GCNT2: variants seen among roughly 807,000 people sequenced by gnomAD.
GCNT2 encodes N-acetyllactosaminide beta-1,6-N-acetylglucosaminyl-transferase.
A neutral mutation model predicts 34.2 loss-of-function variants in GCNT2; 34 were observed. That is an observed-to-expected ratio of 1.00 (90% CI 0.76 to 1.32). The LOEUF is 1.32. Ranked by LOEUF, GCNT2 falls within the 40% of genes most tolerant of loss-of-function variation. The probability of loss-of-function intolerance (pLI) is 0.00; values close to 1 mark genes in which losing one functional copy is unlikely to be tolerated. For missense variants in GCNT2, 584 were observed against 489.4 expected (o/e 1.19, Z -1.82); for synonymous variants, 212 against 188.0 (o/e 1.13, Z -1.04).
chr6:10,609,105 T>C (rs1333014202), intron 3 of GCNT2, among the ~76,000 whole-genome samples: 1 of 152,172 alleles, frequency 6.6e-6, no homozygotes. Context: ...TCAAATGTGG[T>C]TTATGGGCTC....
At position 10,586,037 on chromosome 6, in the gene GCNT2, G is replaced by C. The variant is rs112495317; in HGVS notation, c.926-35314G>C. 1.3e-5 allele frequency: 21 copies of C among 1,614,120 alleles called. No individual in the cohort carries two copies. In the African/African-American group the frequency reaches 1.7e-4, roughly 13 times the overall value. On this transcript the variant is annotated intron_variant, in intron 3 of 4. Coordinates refer to ENST00000495262, the MANE Select transcript of GCNT2 (RefSeq NM_145649.5). ...TTTTTGCTTTCACTCTGCTCAGCGT[G>C]GTCATTTTTGTGAGATTTTACAGTA...
chr6:10,604,242 T>G (rs949946509), intron 3 of GCNT2, among the ~76,000 whole-genome samples: 1 of 152,306 alleles, frequency 6.6e-6, no homozygotes, highest in African/African-American at 2.4e-5. Flanking sequence ...GATTTCATAA[T>G]GTGTTTTTTT....
intron 4 of GCNT2, 145 bp downstream of exon 4, chr6:10,621,588 GAC>G (rs1488474625): frequency 1.5e-6 from 1 of 685,336 alleles, no homozygotes; most frequent in African/African-American, 1.8e-5. Context: ...GAGGCTTCAA[GAC>G]ACAGTCCTTC....
intron 3 of GCNT2, chr6:10,586,918 G>C (rs1372973085): frequency 6.9e-6 from 11 of 1,602,120 alleles, no homozygotes; most frequent in Non-Finnish European, 8.6e-6. Flanking sequence ...GTTTCAGGTA[G>C]GTACTAATTT....
chr6:10,544,015 T>TA (rs1286515113), intron 3 of GCNT2, among the ~76,000 whole-genome samples: 1 of 152,112 alleles, frequency 6.6e-6, no homozygotes, highest in Non-Finnish European at 1.5e-5. Flanking sequence ...AAGACTCATT[T>TA]AAAAAATAAA....
chr6:10,597,092 T>C (rs979105671), intron 3 of GCNT2, among the ~76,000 whole-genome samples: 1 of 152,026 alleles, frequency 6.6e-6, no homozygotes, highest in African/African-American at 2.4e-5. Flanking sequence ...TTAATTTTGG[T>C]TTTAGGACAT....
At chr6:10,559,246 AAAG>A (rs1767818120) in intron 3 of GCNT2, among the ~76,000 whole-genome samples, 1 of 152,236 alleles carries the variant, frequency 6.6e-6, no homozygotes, top group Non-Finnish European at 1.5e-5. Flanking sequence ...TGGGAGACCA[AAAG>A]AATGATATCT....
intron 3 of GCNT2, among the ~76,000 whole-genome samples, chr6:10,541,331 A>G (rs1381278859): frequency 6.6e-6 from 1 of 152,204 alleles, no homozygotes; most frequent in Non-Finnish European, 1.5e-5. Context: ...TGTCCCTGCA[A>G]AGGACATGAT....
rs568921463 is a variant in GCNT2 at position 10,523,984 on chromosome 6, A to AC, written c.-469+2567_-469+2568insC. On this transcript the variant is annotated intron_variant, in intron 1 of 4. Coordinates refer to ENST00000495262, the MANE Select transcript of GCNT2 (RefSeq NM_145649.5). ...CGAGACTCTGTCTCAAAAAAAAAAA[A>AC]AAAAAAAAACCAAGACTAAGAGGTG... Among the ~76,000 whole-genome samples the AC allele has an allele frequency of 4.6e-5, 7 of 150,814 alleles. No individual in the cohort carries two copies. In the South Asian group the frequency reaches 1.5e-3, roughly 32 times the overall value.
chr6:10,547,261 C>A (rs1762312165), intron 3 of GCNT2, among the ~76,000 whole-genome samples: 1 of 152,158 alleles, frequency 6.6e-6, no homozygotes, highest in Non-Finnish European at 1.5e-5. Flanking sequence ...CCCATGTAAC[C>A]ACAGTACAAC....
chr6:10,523,694 C>G (rs1019022812), intron 1 of GCNT2, among the ~76,000 whole-genome samples: 1 of 151,634 alleles, frequency 6.6e-6, no homozygotes, highest in Admixed American at 6.6e-5. Context: ...AAACCAAGGC[C>G]GGGCGCTGTG....
intron 3 of GCNT2, among the ~76,000 whole-genome samples, chr6:10,545,014 A>C (rs1762210007): frequency 6.6e-6 from 1 of 152,160 alleles, no homozygotes; most frequent in Non-Finnish European, 1.5e-5. Context: ...GAAAATAAAT[A>C]AAGCAATTTA....
chr6:10,529,009 G>A lies in GCNT2; in HGVS notation c.98G>A (p.Arg33His), dbSNP rs192375025. The A allele has an allele frequency of 2.4e-5, 39 of 1,613,982 alleles. No homozygotes were observed. In the Admixed American group the frequency reaches 4.8e-4, roughly 20 times the overall value. Residue 33 changes from arginine (R) to histidine (H), a missense_variant, in exon 3 of 5, where the codon CGT (arginine) becomes CAT (histidine). Transcript: ENST00000495262. ...AATACTGAGTTATGGGAGAATAAAC[G>A]TTTTCTGAGGGCAGCTCTGTCCAAT... ...VYNTELWENK[R>H]FLRAALSNAS...
chr6:10,626,444 A>G lies in GCNT2; in HGVS notation c.1046A>G (p.Tyr349Cys), dbSNP rs148284531. ...CACTATGTACATGGTATTTGTATCT[A>G]TGGAAACGGAGACTTAAAGTGGCTG... The part of the protein sequence containing the change: ...HGHYVHGICI[Y>C]GNGDLKWLVN... Residue 349 changes from tyrosine (Y) to cysteine (C), a missense_variant, in exon 5 of 5, where the codon TAT becomes TGT. Transcript: ENST00000495262. 183 of 1,613,372 alleles carry G rather than the reference A, an allele frequency of 1.1e-4. No individual in the cohort carries two copies. The highest frequency in any genetic ancestry group is 1.4e-4 in the Non-Finnish European group (170 of 1,179,412).
At chr6:10,597,981 A>T (rs1237403281) in intron 3 of GCNT2, among the ~76,000 whole-genome samples, 1 of 152,172 alleles carries the variant, frequency 6.6e-6, no homozygotes, top group African/African-American at 2.4e-5. Flanking sequence ...AGATACCCAC[A>T]CTATACAATT....
chr6:10,565,308 A>G (rs770598094), intron 3 of GCNT2, among the ~76,000 whole-genome samples: 14 of 152,214 alleles, frequency 9.2e-5, no homozygotes, highest in Non-Finnish European at 1.8e-4. Context: ...ATAAACACTC[A>G]GCAAAATGGA....
chr6:10,528,607 C>CT, intron 2 of GCNT2, 24 bp from the exon 3 acceptor site: 1 of 442,156 alleles, frequency 2.3e-6, no homozygotes, highest in South Asian at 2.2e-5. Context: ...CAGAACCTCT[C>CT]TGAGGACATC....
Position 10,528,885 on chromosome 6 carries a change from G to T in GCNT2, c.-27G>T. 6.5e-7 allele frequency: 1 copy of T among 1,535,660 alleles called. No homozygotes were observed. Among genetic ancestry groups the T allele is most frequent in the Non-Finnish European group, 9.0e-7 (1 of 1,109,068 alleles). ...CACTCTGATCCTATCTCAAGAGAGA[G>T]ATATTTTACTCATTTCCTGGTTGTG... On this transcript the variant is annotated 5_prime_UTR_variant, in exon 3 of 5. Coordinates refer to ENST00000495262, the MANE Select transcript of GCNT2 (RefSeq NM_145649.5).
In GCNT2 at chr6:10,528,834, G is replaced by A. The variant is rs577530847; in HGVS notation, c.-78G>A. The A allele has an allele frequency of 1.8e-4, 216 of 1,205,876 alleles. 1 individual carries two copies. The African/African-American group carries it at 2.6e-3, about 14-fold the overall frequency. The allele number at this position is 1,205,876 out of a possible 1,614,324, so 74.7% of individuals were successfully genotyped here. A position where few individuals can be genotyped will look rare whatever the true frequency, so the allele number is the denominator to read the frequency against. ...ATCACGAGGATGATTTCGGAACCTG[G>A]AGAAAATGTAAGTTAAATATATCTA... On this transcript the variant is annotated 5_prime_UTR_variant, in exon 3 of 5. Coordinates refer to ENST00000495262, the MANE Select transcript of GCNT2 (RefSeq NM_145649.5).
Sources: gnomAD v4.1 joint callset for allele counts (sites outside exome capture counted in the v4.1 genomes callset) on GRCh38, gnomAD v4.1.1 for gene constraint, MANE v1.5 for transcripts, NCBI Gene and HGNC (gene_info 2026-07-23, HGNC 2026-07-21) for gene names.